SPATA6L: variants seen among roughly 807,000 people sequenced by gnomAD.
SPATA6L encodes spermatogenesis associated 6-like protein.
Under a neutral mutation model 49.2 loss-of-function variants are expected in SPATA6L, and 68 were observed. That is an observed-to-expected ratio of 1.38 (90% CI 1.14 to 1.69). SPATA6L has a LOEUF of 1.69. Among genes scored for constraint, SPATA6L ranks in the 40% most tolerant of loss-of-function variants. The pLI is 0.00. For missense variants in SPATA6L, 668 were observed against 464.3 expected (o/e 1.44, Z -4.03); for synonymous variants, 198 against 165.7 (o/e 1.19, Z -1.50).
In SPATA6L at chr9:4,600,048, T is replaced by C. The variant is rs2130004115; in HGVS notation, c.*763A>G. Among the ~76,000 whole-genome samples, 1 of 152,334 alleles carries C rather than the reference T, an allele frequency of 6.6e-6. No homozygotes were observed. Among genetic ancestry groups the C allele is most frequent in the East Asian group, 1.9e-4 (1 of 5,178 alleles). ...CACCTTCCTAACTAACTTTAAAACC[T>C]GGCATTGGCAGTCCTATCTGTAGAA... On this transcript the variant is annotated 3_prime_UTR_variant, in exon 12 of 12. Transcript: ENST00000682582.
At chr9:4,641,523 A>C (rs904321996) in intron 3 of SPATA6L, among the ~76,000 whole-genome samples, 1 of 152,172 alleles carries the variant, frequency 6.6e-6, no homozygotes, top group African/African-American at 2.4e-5. Flanking sequence ...GTTATCTAAT[A>C]GTTGTTATGC....
At chr9:4,590,553 G>C (rs1425976756) in intron 13 of SPATA6L, among the ~76,000 whole-genome samples, 1 of 152,152 alleles carries the variant, frequency 6.6e-6, no homozygotes, top group African/African-American at 2.4e-5. Flanking sequence ...ACCCCCAAAA[G>C]ACAAGATAAA....
intron 3 of SPATA6L, among the ~76,000 whole-genome samples, chr9:4,646,095 A>G (rs1835313340): frequency 6.6e-6 from 1 of 151,418 alleles, no homozygotes; most frequent in African/African-American, 2.4e-5. Context: ...CTGTTCTAGC[A>G]TCTAACAATG....
chr9:4,612,781 GTTCA>G (rs368585449), intron 9 of SPATA6L, among the ~76,000 whole-genome samples: 17 of 152,130 alleles, frequency 1.1e-4, no homozygotes, highest in African/African-American at 3.6e-4. Context: ...TCATTCTCTC[GTTCA>G]TTCATTCATT....
chr9:4,660,963 T>G (rs1839545329), intron 2 of SPATA6L, among the ~76,000 whole-genome samples: 1 of 151,906 alleles, frequency 6.6e-6, no homozygotes, highest in Admixed American at 6.6e-5. Context: ...TTCTCACTGA[T>G]AGGTGGGAAT....
At chr9:4,664,427 T>C (rs1840542989) in intron 1 of SPATA6L, 1 of 166,994 alleles carries the variant, frequency 6.0e-6, no homozygotes, top group Non-Finnish European at 1.5e-5. Flanking sequence ...ATCATGGGAG[T>C]CTGCTGCTAT....
In SPATA6L at chr9:4,635,283, C is replaced by A. The variant is rs1313790557; in HGVS notation, c.343G>T (p.Gly115Cys). The change falls in exon 4 of 12, where the codon GGT becomes TGT. Residue 115 changes from glycine (G) to cysteine (C), a missense_variant. Physicochemically the swap from Gly to Cys is radical, Grantham distance 159 (BLOSUM62 -3). Coordinates refer to ENST00000682582, the MANE Select transcript of SPATA6L (RefSeq NM_001353486.2). ...GAGCATGAATCACTTACTGGAAAACCCAGAGCCGTCTTCATGAGCACCTCC... is the reference window on the plus strand; with the variant it reads ...GAGCATGAATCACTTACTGGAAAACACAGAGCCGTCTTCATGAGCACCTCC... ...CREVLMKTAL[G>C]FPGIAPKIEF... 6 of 1,524,744 alleles carry A rather than the reference C, an allele frequency of 3.9e-6. No individual in the cohort carries two copies. The highest frequency in any genetic ancestry group is 4.4e-6 in the Non-Finnish European group (5 of 1,148,164). The allele number at this position is 1,524,744 out of a possible 1,614,324, so 94.5% of individuals were successfully genotyped here. A position where few individuals can be genotyped will look rare whatever the true frequency, so the allele number is the denominator to read the frequency against.
chr9:4,592,280 A>G (rs1270906657), intron 13 of SPATA6L, among the ~76,000 whole-genome samples: 1 of 144,912 alleles, frequency 6.9e-6, no homozygotes, highest in East Asian at 2.0e-4. Flanking sequence ...ACGCCACTGC[A>G]CTCCAGCCTG....
chr9:4,630,585 A>G (rs1831313234), intron 4 of SPATA6L, among the ~76,000 whole-genome samples: 1 of 152,042 alleles, frequency 6.6e-6, no homozygotes, highest in African/African-American at 2.4e-5. Context: ...TCAATGTCTG[A>G]TCTCACTCTA....
intron 3 of SPATA6L, among the ~76,000 whole-genome samples, chr9:4,637,386 C>A (rs748115065): frequency 6.6e-6 from 1 of 152,158 alleles, no homozygotes; most frequent in Non-Finnish European, 1.5e-5. Flanking sequence ...CATCACAATA[C>A]CCTATTTTAC....
chr9:4,623,414 T>TA (rs1373127422), intron 6 of SPATA6L, among the ~76,000 whole-genome samples: 4 of 152,050 alleles, frequency 2.6e-5, no homozygotes, highest in African/African-American at 9.7e-5. Context: ...ATACTTGAAC[T>TA]AGGGACTCTT....
intron 3 of SPATA6L, among the ~76,000 whole-genome samples, chr9:4,653,415 T>C (rs886252006): frequency 6.6e-6 from 1 of 152,156 alleles, no homozygotes; most frequent in Non-Finnish European, 1.5e-5. Flanking sequence ...GAAGAAAACA[T>C]AGATGTAAGT....
intron 2 of SPATA6L, 52 bp downstream of exon 2, chr9:4,661,847 A>C: frequency 6.3e-6 from 10 of 1,591,554 alleles, no homozygotes; most frequent in Non-Finnish European, 7.7e-6. Context: ...TCTTTATAAG[A>C]ACTCTCAGGT....
At chr9:4,627,018 T>G (rs1830476171) in intron 5 of SPATA6L, 1 of 152,400 alleles carries the variant, frequency 6.6e-6, no homozygotes, top group Admixed American at 6.5e-5. Context: ...TTTTTGCTTA[T>G]TTATCTTTGT....
At chr9:4,651,121 GC>G (rs1383705635) in intron 3 of SPATA6L, among the ~76,000 whole-genome samples, 3 of 151,996 alleles carry the variant, frequency 2.0e-5, no homozygotes, top group African/African-American at 7.3e-5. Flanking sequence ...TTTCACCTCA[GC>G]CTCCTGAGAA....
rs1340375750 is a variant in SPATA6L at position 4,648,672 on chromosome 9, C to T, written c.226+7369G>A. Among the ~76,000 whole-genome samples, 3 of 139,764 alleles carry T rather than the reference C, an allele frequency of 2.1e-5. No individual in the cohort carries two copies. In the East Asian group the frequency reaches 6.5e-4, roughly 30 times the overall value. 91.7% of individuals were successfully genotyped at this position (139,764 alleles called of 152,430 possible). On this transcript the variant is annotated intron_variant, in intron 3 of 11. Coordinates refer to ENST00000682582, the MANE Select transcript of SPATA6L (RefSeq NM_001353486.2). ...CCGAGATTGCGCCACTGCACTCCAG[C>T]CTGGGCGACAGAGCGAGACCCCGTC... is the stretch of plus-strand genomic sequence containing the variant.
chr9:4,661,797 T>C, intron 2 of SPATA6L, 102 bp downstream of exon 2: 1 of 1,316,670 alleles, frequency 7.6e-7, no homozygotes, highest in African/African-American at 1.8e-5. Context: ...ATAATTTTTT[T>C]AAAAATGAAA....
downstream of SPATA6L, among the ~76,000 whole-genome samples, chr9:4,596,875 C>A (rs545038009): frequency 1.3e-5 from 2 of 152,110 alleles, no homozygotes; most frequent in African/African-American, 2.4e-5. Flanking sequence ...CTGGCTCTGA[C>A]GCTTGCTTTT....
At chr9:4,592,036 C>T (rs1821933846) in intron 13 of SPATA6L, among the ~76,000 whole-genome samples, 1 of 152,122 alleles carries the variant, frequency 6.6e-6, no homozygotes, top group African/African-American at 2.4e-5. Context: ...AACAACAAGC[C>T]AAGCACAGTG....
Sources: allele counts gnomAD v4.1 joint callset (sites outside exome capture counted in the v4.1 genomes callset), GRCh38; gene constraint gnomAD v4.1.1; transcripts MANE v1.5; gene names NCBI Gene and HGNC (gene_info 2026-07-23, HGNC 2026-07-21).